Variants in GSE1 observed in about 807,000 individuals in gnomAD.
The protein encoded by GSE1 is genetic suppressor element 1.
A neutral mutation model predicts 112.6 loss-of-function variants in GSE1; 32 were observed. The observed-to-expected ratio is 0.28, with a 90% CI of 0.21 to 0.38. The LOEUF is 0.38. Ranked by LOEUF, GSE1 falls within the 10% of genes least tolerant of loss-of-function variation. The pLI is 1.00. For missense variants in GSE1, 2,348 were observed against 1,699.2 expected, an observed-to-expected ratio of 1.38 and a Z score of -6.71; for synonymous variants, 1,115 against 735.6, an observed-to-expected ratio of 1.52 and a Z score of -8.35.
Position 85,672,927 on chromosome 16 carries a change from T to TACTA in GSE1, c.*389_*392dup, listed in dbSNP as rs2053462606. The stretch of plus-strand genomic sequence containing the variant: ...TCTGTTCTTTCTTGTGTTGCCATGT[T>TACTA]ACTATGCCTCAAGCCCAGTTTGCTT... On this transcript the variant is annotated 3_prime_UTR_variant, in exon 16 of 16. Transcript: ENST00000253458. 6.4e-6 allele frequency: 1 copy of TACTA among 155,274 alleles called. No homozygotes were observed. The highest frequency in any genetic ancestry group is 2.0e-4 in the South Asian group (1 of 4,922). The allele number at this position is 155,274 out of a possible 1,614,324, so 9.6% of individuals were successfully genotyped here. A position where few individuals can be genotyped will look rare whatever the true frequency, so the allele number is the denominator to read the frequency against.
At chr16:85,656,713 C>G in intron 7 of GSE1, 48 bp downstream of exon 7, 1 of 1,447,654 alleles carries the variant, frequency 6.9e-7, no homozygotes, top group East Asian at 2.5e-5. Flanking sequence ...CAGCCACCCG[C>G]GGGGAGGAGC....
intron 6 of GSE1, among the ~76,000 whole-genome samples, 180 bp downstream of exon 6, chr16:85,656,097 G>A (rs2051904241): frequency 6.6e-6 from 1 of 152,184 alleles, no homozygotes; most frequent in Non-Finnish European, 1.5e-5. Flanking sequence ...GCCTGTCTCG[G>A]TAGCCGTGGT....
At chr16:85,613,103 C>G (rs564371862), upstream of GSE1, 3 of 905,802 alleles carry the variant, frequency 3.3e-6, no homozygotes, top group East Asian at 3.8e-5. Flanking sequence ...CGTCGGTGCG[C>G]GCGCGCGCGC....
At chr16:85,404,962 C>T (rs563403676) in intron 2 of GSE1, among the ~76,000 whole-genome samples, 9 of 20,668 alleles carry the variant, frequency 4.4e-4, no homozygotes, top group African/African-American at 2.8e-3. Context: ...TCAGGCCCCC[C>T]GGATAATCCT....
Position 85,524,038 on chromosome 16 carries a change from C to T in GSE1, c.2465-109876C>T, listed in dbSNP as rs879255739. Among the ~76,000 whole-genome samples the T allele has an allele frequency of 2.6e-5, 4 of 152,182 alleles. No individual in the cohort carries two copies. In the South Asian group the frequency reaches 6.2e-4, roughly 24 times the overall value. Reference sequence around the variant, plus strand: ...TGTGCCTGCCTTGAGCCCTGTCTCCCGGGTGGTGGGGCCAGGGCCAGCTGC... The same window carrying T: ...TGTGCCTGCCTTGAGCCCTGTCTCCTGGGTGGTGGGGCCAGGGCCAGCTGC... On this transcript the variant is annotated intron_variant, in intron 2 of 2. Coordinates refer to the GSE1 transcript ENST00000637419.
chr16:85,219,603 G>A (rs2075358489), intron 1 of GSE1, among the ~76,000 whole-genome samples: 1 of 152,208 alleles, frequency 6.6e-6, no homozygotes, highest in Non-Finnish European at 1.5e-5. Context: ...TTCTCATTCT[G>A]CTTCCATCCC....
intron 1 of GSE1, among the ~76,000 whole-genome samples, chr16:85,268,262 C>G (rs993351131): frequency 1.3e-5 from 2 of 151,646 alleles, no homozygotes; most frequent in Non-Finnish European, 2.9e-5. Context: ...GCCGCTGGTG[C>G]AGAAGCATAA....
intron 1 of GSE1, chr16:85,580,367 C>T (rs758362357): frequency 1.3e-5 from 2 of 152,294 alleles, no homozygotes; most frequent in African/African-American, 4.8e-5. Flanking sequence ...AAGCGGGAGG[C>T]CTTGGGCAGC....
At chr16:85,347,840 C>T (rs2046774473) in intron 1 of GSE1, among the ~76,000 whole-genome samples, 1 of 152,206 alleles carries the variant, frequency 6.6e-6, no homozygotes, top group Admixed American at 6.5e-5. Flanking sequence ...TGGTCAGGGA[C>T]AGACAGCAGC....
intron 2 of GSE1, among the ~76,000 whole-genome samples, chr16:85,533,433 AAAC>A (rs2044203189): frequency 7.1e-6 from 1 of 141,156 alleles, no homozygotes; most frequent in African/African-American, 3.0e-5. Context: ...AAAACACAAA[AAAC>A]AAACAAACAA....
intron 1 of GSE1, among the ~76,000 whole-genome samples, chr16:85,191,485 A>C (rs1279462940): frequency 6.6e-6 from 1 of 152,190 alleles, no homozygotes; most frequent in Non-Finnish European, 1.5e-5. Context: ...TGCTTGCTGT[A>C]GGAATTTTGG....
intron 3 of GSE1, 151 bp from the exon 4 acceptor site, chr16:85,654,127 C>G (rs1229772880): frequency 4.2e-6 from 3 of 707,528 alleles, no homozygotes; most frequent in Non-Finnish European, 7.0e-6. Flanking sequence ...ACCACATGCA[C>G]CATGTTTTGC....
rs533252918 is a variant in GSE1, at chr16:85,388,986, A to G, written c.2464+31343A>G. On this transcript the variant is annotated intron_variant, in intron 2 of 2. Transcript: ENST00000637419. ...GGGAATAGATCATGAAGGAAAAAAA[A>G]GAGAGAGAAATGTTCCACGATGTTG... Among the ~76,000 whole-genome samples the G allele has an allele frequency of 4.2e-4, 64 of 152,304 alleles. No individual in the cohort carries two copies. The South Asian group carries it at 0.013, about 32-fold the overall frequency.
At chr16:85,341,758 C>T (rs973942867) in intron 1 of GSE1, among the ~76,000 whole-genome samples, 1 of 151,572 alleles carries the variant, frequency 6.6e-6, no homozygotes, top group African/African-American at 2.4e-5. Flanking sequence ...CCCTGGCCCC[C>T]CAAAACACTG....
chr16:85,447,596 C>G (rs1410966067), intron 2 of GSE1, among the ~76,000 whole-genome samples: 4 of 152,350 alleles, frequency 2.6e-5, no homozygotes, highest in African/African-American at 7.2e-5. Flanking sequence ...GTGCCTGTTT[C>G]CTCATTTCAC....
intron 3 of GSE1, among the ~76,000 whole-genome samples, chr16:85,652,317 C>G (rs1254055942): frequency 2.6e-5 from 4 of 152,254 alleles, no homozygotes; most frequent in Non-Finnish European, 4.4e-5. Flanking sequence ...CCCCCACTAC[C>G]CCGGTTGCTG....
intron 2 of GSE1, among the ~76,000 whole-genome samples, chr16:85,450,306 T>C (rs980296921): frequency 1.3e-5 from 2 of 150,970 alleles, no homozygotes; most frequent in Non-Finnish European, 2.9e-5. Flanking sequence ...TTAGTAGAGA[T>C]GGGGTTTCTC....
upstream of GSE1, among the ~76,000 whole-genome samples, chr16:85,606,654 GCCTGGATGC>G (rs1310126023): frequency 1.3e-5 from 2 of 152,254 alleles, no homozygotes; most frequent in Non-Finnish European, 2.9e-5. Context: ...GCAGGACCCA[GCCTGGATGC>G]CCTGGGATCC....
chr16:85,205,332 A>G (rs2075096894), intron 1 of GSE1, among the ~76,000 whole-genome samples: 2 of 152,072 alleles, frequency 1.3e-5, no homozygotes, highest in Non-Finnish European at 2.9e-5. Context: ...GGGTTTCGCC[A>G]TGTTGGCCAG....
Sources: gnomAD v4.1 joint callset for allele counts (sites outside exome capture counted in the v4.1 genomes callset) on GRCh38, gnomAD v4.1.1 for gene constraint, MANE v1.5 for transcripts, NCBI Gene and HGNC (gene_info 2026-07-23, HGNC 2026-07-21) for gene names.